The following SKI variants were observed in gnomAD, a reference collection of about 807,000 sequenced individuals.
SKI encodes SKI proto-oncogene, also known as ski oncogene.
Under a neutral mutation model 59.3 loss-of-function variants are expected in SKI, and 23 were observed. The observed-to-expected ratio is 0.39, with a 90% CI of 0.28 to 0.55. SKI has a LOEUF of 0.55. Ranked by LOEUF, SKI falls within the 20% of genes least tolerant of loss-of-function variation. The pLI is 0.67. For synonymous variants in SKI, 673 were observed against 488.6 expected (o/e 1.38, Z -4.98); for missense variants, 1,017 against 1,038.9 (o/e 0.98, Z 0.29).
chr1:2,275,903 A>G (rs1206870575), intron 1 of SKI, among the ~76,000 whole-genome samples: 2 of 151,882 alleles, frequency 1.3e-5, no homozygotes, highest in Non-Finnish European at 2.9e-5. Flanking sequence ...CCACCAGTGC[A>G]CCTTGGCTCC....
At chr1:2,251,352 G>C (rs1639143365) in intron 1 of SKI, among the ~76,000 whole-genome samples, 1 of 151,890 alleles carries the variant, frequency 6.6e-6, no homozygotes, top group African/African-American at 2.4e-5. Context: ...TGAATTCCTG[G>C]GCTTGAGCCA....
intron 1 of SKI, among the ~76,000 whole-genome samples, chr1:2,231,193 G>C (rs955004594): frequency 2.6e-5 from 4 of 151,956 alleles, no homozygotes; most frequent in Admixed American, 1.3e-4. Flanking sequence ...CCGCACCCTC[G>C]TCAGTGCCTG....
intron 1 of SKI, among the ~76,000 whole-genome samples, chr1:2,265,103 C>T (rs1639472862): frequency 6.6e-6 from 1 of 152,198 alleles, no homozygotes; most frequent in African/African-American, 2.4e-5. Context: ...TGAGCCACGG[C>T]GCCCGGCTGG....
rs1412341929 is a variant in SKI, at chr1:2,270,368, C to T, written c.970-32610C>T. Among the ~76,000 whole-genome samples the T allele has an allele frequency of 6.6e-6, 1 of 152,212 alleles. No homozygotes were observed. The highest frequency in any genetic ancestry group is 1.5e-5 in the Non-Finnish European group (1 of 68,030). On this transcript the variant is annotated intron_variant, in intron 1 of 6. Coordinates refer to ENST00000378536, the MANE Select transcript of SKI (RefSeq NM_003036.4). This position sits in a 1 kb window ranked among gnomAD's most constrained non-coding sequence, Gnocchi z 4.1. ...CCTGAGGCAGCCGTTGGACAGTGCC[C>T]ATCTTGAATGCAGCCCTGGTGACCT...
rs151259264 is a variant in SKI at position 2,239,706 on chromosome 1, C to T, written c.969+9971C>T. The stretch of plus-strand genomic sequence containing the variant: ...GGTTCACAGTTCAGTTTGGGAGAGG[C>T]GAGAACCCCTCACTTTGAAGTCTTT... On this transcript the variant is annotated intron_variant, in intron 1 of 6. Transcript: ENST00000378536. Among the ~76,000 whole-genome samples, 1,071 of 152,342 alleles carry T rather than the reference C, an allele frequency of 7.0e-3. 4 individuals carry two copies. The highest frequency in any genetic ancestry group is 0.02 in the Middle Eastern group (6 of 294).
intron 1 of SKI, among the ~76,000 whole-genome samples, chr1:2,235,754 T>C (rs932159138): frequency 1.3e-5 from 2 of 152,202 alleles, no homozygotes; most frequent in East Asian, 3.9e-4. Flanking sequence ...TAAATGAGAT[T>C]GTGGGGACAA....
chr1:2,306,512 G>T, intron 6 of SKI, 65 bp from the exon 7 acceptor site: 1 of 1,481,532 alleles, frequency 6.7e-7, no homozygotes, highest in Non-Finnish European at 9.1e-7. Context: ...CTCGGGTGGG[G>T]GAAGCAGCGT....
At chr1:2,290,832 T>C (rs1301553835) in intron 1 of SKI, among the ~76,000 whole-genome samples, 1 of 152,242 alleles carries the variant, frequency 6.6e-6, no homozygotes, top group African/African-American at 2.4e-5. Context: ...CGAAACACTC[T>C]TAATTGAGTC....
intron 1 of SKI, among the ~76,000 whole-genome samples, chr1:2,247,709 C>G (rs1158597132): frequency 3.3e-5 from 5 of 152,216 alleles, no homozygotes; most frequent in African/African-American, 1.2e-4. Flanking sequence ...TTTCCTGAAC[C>G]TAGGAGCCCA....
Position 2,229,862 on chromosome 1 carries a change from G to A in SKI, c.969+127G>A, listed in dbSNP as rs1040538892. 1 of 1,493,956 alleles carries A rather than the reference G, an allele frequency of 6.7e-7. No individual in the cohort carries two copies. Among genetic ancestry groups the A allele is most frequent in the Non-Finnish European group, 9.0e-7 (1 of 1,110,034 alleles). The allele number at this position is 1,493,956 out of a possible 1,614,324, so 92.5% of individuals were successfully genotyped here. A position where few individuals can be genotyped will look rare whatever the true frequency, so the allele number is the denominator to read the frequency against. On this transcript the variant is annotated intron_variant, in intron 1 of 6. Coordinates refer to ENST00000378536, the MANE Select transcript of SKI (RefSeq NM_003036.4). This position sits in a 1 kb window ranked among gnomAD's most constrained non-coding sequence, Gnocchi z 6.3. ...GCCGTGCCCCATGTCTCCAGTCTTCGCTTTGTTTTAGGGAAATTCAGAGTG... is the reference window on the plus strand; with the variant it reads ...GCCGTGCCCCATGTCTCCAGTCTTCACTTTGTTTTAGGGAAATTCAGAGTG...
chr1:2,236,642 T>C (rs1557811829), intron 1 of SKI, among the ~76,000 whole-genome samples: 1 of 152,194 alleles, frequency 6.6e-6, no homozygotes, highest in Non-Finnish European at 1.5e-5. Context: ...CCTGACCTCT[T>C]GATCTGCCCA....
Position 2,306,714 on chromosome 1 carries a change from G to A in SKI, c.2136G>A (p.Arg712=), listed in dbSNP as rs1640595210. ...AGCTGCAGGAACAGCTGTGGCCGCG[G>A]GCCCGCCCCGAGGCTGCGGGCAGCG... is the stretch of plus-strand genomic sequence containing the variant. ...VKELQEQLWP[R]ARPEAAGSEG... Residue 712 remains arginine, a synonymous_variant, in exon 7 of 7, where the codon CGG becomes CGA. Transcript: ENST00000378536. The A allele has an allele frequency of 1.3e-6, 2 of 1,537,548 alleles. No homozygotes were observed. The highest frequency in any genetic ancestry group is 1.7e-6 in the Non-Finnish European group (2 of 1,143,048).
At chr1:2,240,334 C>T (rs938396530) in intron 1 of SKI, among the ~76,000 whole-genome samples, 13 of 152,336 alleles carry the variant, frequency 8.5e-5, no homozygotes, top group Admixed American at 4.6e-4. Flanking sequence ...CCTGGAGGAA[C>T]GTGGGAGGGG....
At chr1:2,305,324 C>T (rs923894517) in intron 5 of SKI, among the ~76,000 whole-genome samples, 2 of 152,204 alleles carry the variant, frequency 1.3e-5, no homozygotes, top group African/African-American at 4.8e-5. Flanking sequence ...TCACCGGGCC[C>T]CGGCCTCGCT....
chr1:2,230,947 G>C lies in SKI; in HGVS notation c.969+1212G>C, dbSNP rs190316622. 2.7e-3 allele frequency among the ~76,000 whole-genome samples: 413 copies of C among 152,280 alleles called. 1 individual carries two copies. Among genetic ancestry groups the C allele is most frequent in the African/African-American group, 8.6e-3 (357 of 41,556 alleles). On this transcript the variant is annotated intron_variant, in intron 1 of 6. Transcript: ENST00000378536. ...AGGGACTGTCGCCTCTGCTCGGAGG[G>C]GGCTGCGGAGGGTGCATGTGTGTGT...
In SKI at chr1:2,307,494, G is replaced by T. The variant is rs1459336052; in HGVS notation, c.*729G>T. The T allele has an allele frequency of 6.6e-6, 1 of 152,360 alleles. No individual in the cohort carries two copies. The highest frequency in any genetic ancestry group is 1.5e-5 in the Non-Finnish European group (1 of 68,046). 9.4% of individuals were successfully genotyped at this position (152,360 alleles called of 1,614,324 possible). A position where few individuals can be genotyped will look rare whatever the true frequency, so the allele number is the denominator to read the frequency against. On this transcript the variant is annotated 3_prime_UTR_variant, in exon 7 of 7. Coordinates refer to ENST00000378536, the MANE Select transcript of SKI (RefSeq NM_003036.4). ...ACGGTCTTCGGCTCCTCTGCACCCCGTGATTCTGCCCACGCTCCTCCACCA... is the reference window on the plus strand; with the variant it reads ...ACGGTCTTCGGCTCCTCTGCACCCCTTGATTCTGCCCACGCTCCTCCACCA...
intron 1 of SKI, among the ~76,000 whole-genome samples, chr1:2,257,434 G>A (rs1485752025): frequency 6.6e-6 from 1 of 152,248 alleles, no homozygotes; most frequent in Non-Finnish European, 1.5e-5. Context: ...CCCCTCCCAT[G>A]GTGGCGCTTT....
At chr1:2,265,021 A>G (rs910726633) in intron 1 of SKI, among the ~76,000 whole-genome samples, 3 of 152,050 alleles carry the variant, frequency 2.0e-5, no homozygotes, top group Non-Finnish European at 4.4e-5. Context: ...CGTGTTGGCC[A>G]GGCTGGTCTC....
chr1:2,301,246 A>G (rs1640417235), intron 1 of SKI, among the ~76,000 whole-genome samples: 2 of 152,190 alleles, frequency 1.3e-5, no homozygotes, highest in Non-Finnish European at 2.9e-5. Flanking sequence ...CCCTGCGGTC[A>G]GGGCCTCCGC....
Sources: gnomAD v4.1 joint callset for allele counts (sites outside exome capture counted in the v4.1 genomes callset) on GRCh38, gnomAD v4.1.1 for gene constraint, Gnocchi (gnomAD v3.1) non-coding constraint, MANE v1.5 for transcripts, NCBI Gene and HGNC (gene_info 2026-07-23, HGNC 2026-07-21) for gene names.